MED12L: variants seen among roughly 807,000 people sequenced by gnomAD.
The protein encoded by MED12L is mediator of RNA polymerase II transcription subunit 12-like protein.
MED12L carries 60 observed loss-of-function variants against 281.3 expected under a neutral mutation model. The observed-to-expected ratio is 0.21, with a 90% CI of 0.17 to 0.26. The LOEUF (loss-of-function observed/expected upper bound fraction) is 0.26, where lower values mean the gene tolerates loss of function less well. Ranked by LOEUF, MED12L falls within the 10% of genes least tolerant of loss-of-function variation. MED12L has a pLI of 1.00. For missense variants in MED12L, 2,146 were observed against 2,680.9 expected (o/e 0.80, Z 4.41); for synonymous variants, 974 against 987.2 (o/e 0.99, Z 0.25).
intron 25 of MED12L, 130 bp downstream of exon 25, chr3:151,368,381 G>C (rs1052946025): frequency 2.4e-5 from 17 of 721,992 alleles, no homozygotes; most frequent in Non-Finnish European, 4.2e-5. Context: ...GTGATGAAGG[G>C]TGAGATGATA....
intron 16 of MED12L, among the ~76,000 whole-genome samples, chr3:151,297,910 A>G (rs1745325117): frequency 6.6e-6 from 1 of 152,074 alleles, no homozygotes; most frequent in South Asian, 2.1e-4. Flanking sequence ...TTATTACTTC[A>G]TTCACAAATT....
At chr3:151,310,936 A>G (rs541052362) in intron 16 of MED12L, among the ~76,000 whole-genome samples, 1 of 152,090 alleles carries the variant, frequency 6.6e-6, no homozygotes, top group Non-Finnish European at 1.5e-5. Flanking sequence ...GGTGGGGAAA[A>G]ACTTTAAGGG....
chr3:151,339,543 T>C (rs144133437), intron 16 of MED12L, among the ~76,000 whole-genome samples: 159 of 152,198 alleles, frequency 1.0e-3, no homozygotes, highest in African/African-American at 3.4e-3. Context: ...CTGCTTCAAA[T>C]ATTTTAACCC....
intron 16 of MED12L, among the ~76,000 whole-genome samples, chr3:151,308,113 T>C (rs888570422): frequency 6.6e-6 from 1 of 152,178 alleles, no homozygotes; most frequent in African/African-American, 2.4e-5. Flanking sequence ...AATGTAAAGG[T>C]GTAATTCATG....
chr3:151,135,217 A>G (rs891412390), intron 5 of MED12L, among the ~76,000 whole-genome samples: 1 of 152,252 alleles, frequency 6.6e-6, no homozygotes, highest in South Asian at 2.1e-4. Flanking sequence ...AGGTTTCACC[A>G]TGTTGGCCAG....
intron 16 of MED12L, among the ~76,000 whole-genome samples, chr3:151,340,059 C>T (rs979494368): frequency 1.3e-5 from 2 of 152,052 alleles, no homozygotes; most frequent in African/African-American, 2.4e-5. Context: ...GGAAGGAAAA[C>T]GATTAAGAAT....
chr3:151,221,445 A>G (rs1729334619), intron 16 of MED12L, among the ~76,000 whole-genome samples: 1 of 152,216 alleles, frequency 6.6e-6, no homozygotes, highest in African/African-American at 2.4e-5. Flanking sequence ...AGCCCATCAC[A>G]TCGCAGGCCT....
intron 16 of MED12L, among the ~76,000 whole-genome samples, chr3:151,283,663 A>G (rs1180037472): frequency 1.3e-5 from 2 of 152,230 alleles, no homozygotes; most frequent in Non-Finnish European, 2.9e-5. Context: ...GTTCACTACC[A>G]TAGTACATAC....
chr3:151,256,958 A>C (rs1197761901), intron 16 of MED12L, among the ~76,000 whole-genome samples: 1 of 151,922 alleles, frequency 6.6e-6, no homozygotes, highest in Non-Finnish European at 1.5e-5. Flanking sequence ...TATCAAGTCC[A>C]CATATGAAGT....
intron 16 of MED12L, among the ~76,000 whole-genome samples, chr3:151,295,607 G>A (rs1378326732): frequency 6.6e-6 from 1 of 152,136 alleles, no homozygotes; most frequent in African/African-American, 2.4e-5. Flanking sequence ...CATGGTTATT[G>A]TTTCAGTGTA....
At chr3:151,414,457 A>G (rs941455947) in intron 42 of MED12L, among the ~76,000 whole-genome samples, 3 of 152,232 alleles carry the variant, frequency 2.0e-5, no homozygotes, top group African/African-American at 7.2e-5. Flanking sequence ...AGAAAGGGAC[A>G]CAAAGGAGCT....
chr3:151,411,211 A>G (rs919240325), intron 40 of MED12L, 67 bp from the exon 41 acceptor site: 6 of 1,388,442 alleles, frequency 4.3e-6, no homozygotes, highest in African/African-American at 2.8e-5. Flanking sequence ...TGCCCCATAT[A>G]TCGTAGTGAT....
chr3:151,318,697 T>C (rs1205101418), intron 16 of MED12L, among the ~76,000 whole-genome samples: 1 of 152,094 alleles, frequency 6.6e-6, no homozygotes, highest in Non-Finnish European at 1.5e-5. Context: ...CTGACAGATA[T>C]TTGACAGGCT....
chr3:151,168,278 C>T (rs1720972182), intron 11 of MED12L, among the ~76,000 whole-genome samples: 1 of 152,058 alleles, frequency 6.6e-6, no homozygotes, highest in African/African-American at 2.4e-5. Context: ...TCAAAAGCTT[C>T]TTTTGTCTCT....
In MED12L at chr3:151,247,885, G is replaced by A. The variant is rs560776308; in HGVS notation, c.2250+54219G>A. ...AGCTCTGCCTTCCCTTAGTTGCAGT[G>A]TTCTTATAATGTATTCAGAAGACAG... is the stretch of plus-strand genomic sequence containing the variant. On this transcript the variant is annotated intron_variant, in intron 16 of 44. Coordinates refer to ENST00000687756, the MANE Select transcript of MED12L (RefSeq NM_001393769.1). Among the ~76,000 whole-genome samples the A allele has an allele frequency of 2.0e-5, 3 of 148,200 alleles. No individual in the cohort carries two copies. In the East Asian group the frequency reaches 6.0e-4, roughly 29 times the overall value.
In MED12L at chr3:151,086,933, G is replaced by A. The variant is rs750803465; in HGVS notation, c.7G>A (p.Ala3Thr). 5.0e-6 allele frequency: 8 copies of A among 1,595,902 alleles called. No homozygotes were observed. Among genetic ancestry groups the A allele is most frequent in the Middle Eastern group, 1.7e-4 (1 of 6,038 alleles). Residue 3 changes from alanine (A) to threonine (T), a missense_variant, in exon 2 of 45, where the codon GCC becomes ACC. By Grantham distance (58) the Ala-to-Thr change is moderately conservative. This residue lies in a region of MED12L where 44 missense variants were observed against 39.7 expected (regional missense o/e 1.11). Coordinates refer to ENST00000687756, the MANE Select transcript of MED12L (RefSeq NM_001393769.1). MAAFGLLSYEQRP... is the reference protein window; with the variant it reads MATFGLLSYEQRP... ...CCGGTTAACATGAGAGATCATGGCC[G>A]CCTTCGGGCTTCTCAGCTATGAGCA...
intron 16 of MED12L, among the ~76,000 whole-genome samples, chr3:151,242,709 C>T (rs535489761): frequency 6.6e-5 from 10 of 152,342 alleles, no homozygotes; most frequent in African/African-American, 2.2e-4. Context: ...AAGAGAGCGC[C>T]TCTCCTCCTC....
chr3:151,113,582 AGAT>A (rs1365943515), intron 2 of MED12L, among the ~76,000 whole-genome samples: 2 of 152,220 alleles, frequency 1.3e-5, no homozygotes, highest in Non-Finnish European at 2.9e-5. Context: ...CGTAAGCATG[AGAT>A]GATGCAGTGG....
At chr3:151,175,641 G>A (rs115868714) in intron 11 of MED12L, among the ~76,000 whole-genome samples, 367 of 152,252 alleles carry the variant, frequency 2.4e-3, no homozygotes, top group African/African-American at 8.4e-3. Context: ...TATTTGTTGA[G>A]GGATAGAAGA....
Sources: allele counts gnomAD v4.1 joint callset (sites outside exome capture counted in the v4.1 genomes callset), GRCh38; gene constraint gnomAD v4.1.1; regional missense constraint gnomAD v4.1.1; transcripts MANE v1.5; gene names NCBI Gene and HGNC (gene_info 2026-07-23, HGNC 2026-07-21).